The following RNF152 variants were observed in gnomAD, a reference collection of about 807,000 sequenced individuals.
RNF152 encodes the protein E3 ubiquitin-protein ligase RNF152.
RNF152 carries 11 observed loss-of-function variants against 12.7 expected under a neutral mutation model. The observed-to-expected ratio is 0.86, with a 90% CI of 0.54 to 1.43. The LOEUF (loss-of-function observed/expected upper bound fraction) is 1.43, where lower values mean the gene tolerates loss of function less well. Ranked by LOEUF, RNF152 falls within the 40% of genes most tolerant of loss-of-function variation. RNF152 has a pLI of 0.00. For missense variants in RNF152, 255 were observed against 274.8 expected, an observed-to-expected ratio of 0.93 and a Z score of 0.51; for synonymous variants, 113 against 120.3, an observed-to-expected ratio of 0.94 and a Z score of 0.40.
Position 61,811,975 on chromosome 18 carries a change from C to T in RNF152, c.*3877G>A, listed in dbSNP as rs1908826509. ...TATAAGCAACAGTTCCAAAGGGCAA[C>T]AATGAATTTTTACTGTCATACTTGA... On this transcript the variant is annotated 3_prime_UTR_variant, in exon 2 of 2. Coordinates refer to ENST00000312828, the MANE Select transcript of RNF152 (RefSeq NM_173557.3). 6.6e-6 allele frequency: 1 copy of T among 152,172 alleles called. No homozygotes were observed. The allele number at this position is 152,172 out of a possible 1,614,324, so 9.4% of individuals were successfully genotyped here.
Position 61,808,387 on chromosome 18 carries a change from T to TAAAAAAAAAA in RNF152, c.*7455_*7464dup, listed in dbSNP as rs34966668. The TAAAAAAAAAA allele has an allele frequency of 5.3e-4, 27 of 50,792 alleles. 1 individual carries two copies. The highest frequency in any genetic ancestry group is 1.6e-3 in the African/African-American group (22 of 14,112). 3.1% of individuals were successfully genotyped at this position (50,792 alleles called of 1,614,324 possible). A position where few individuals can be genotyped will look rare whatever the true frequency, so the allele number is the denominator to read the frequency against. On this transcript the variant is annotated 3_prime_UTR_variant, in exon 2 of 2. Transcript: ENST00000312828. ...TTTATCTGTAGGGCTATTTGGCCCTTAAAAAAAAAAAAAAAAAAAAAAAAA... is the reference window on the plus strand; with the variant it reads ...TTTATCTGTAGGGCTATTTGGCCCTTAAAAAAAAAAAAAAAAAAAAAAAAAAAAAAAAAAA...
In RNF152 at chr18:61,809,358, T is replaced by C. The variant is rs554829172; in HGVS notation, c.*6494A>G. On this transcript the variant is annotated 3_prime_UTR_variant, in exon 2 of 2. Transcript: ENST00000312828. ...CCCACTATTTAACAGAGGTATCAACTAGATCCCCTTTAAGAGGCATTTGTC... is the reference window on the plus strand; with the variant it reads ...CCCACTATTTAACAGAGGTATCAACCAGATCCCCTTTAAGAGGCATTTGTC... 3 of 152,300 alleles carry C rather than the reference T, an allele frequency of 2.0e-5. No homozygotes were observed. The highest frequency in any genetic ancestry group is 7.2e-5 in the African/African-American group (3 of 41,560). 9.4% of individuals were successfully genotyped at this position (152,300 alleles called of 1,614,324 possible). A position where few individuals can be genotyped will look rare whatever the true frequency, so the allele number is the denominator to read the frequency against.
chr18:61,833,228 A>C (rs77313467), intron 1 of RNF152, among the ~76,000 whole-genome samples: 5,046 of 152,334 alleles, frequency 0.033, 270 homozygotes, highest in African/African-American at 0.11. Context: ...ACAAACCATT[A>C]GCTGATGTAG....
chr18:61,827,621 C>G (rs1057296034), intron 1 of RNF152, among the ~76,000 whole-genome samples: 1 of 152,122 alleles, frequency 6.6e-6, no homozygotes, highest in African/African-American at 2.4e-5. Flanking sequence ...TAAGTCTATT[C>G]GAAAGCCATT....
intron 1 of RNF152, among the ~76,000 whole-genome samples, chr18:61,858,513 C>T (rs1042735181): frequency 1.3e-5 from 2 of 152,226 alleles, no homozygotes; most frequent in Middle Eastern, 3.4e-3. Flanking sequence ...GATACCTTCT[C>T]CCTAGACTTC....
chr18:61,823,763 G>T (rs971675403), intron 1 of RNF152, among the ~76,000 whole-genome samples: 4 of 152,170 alleles, frequency 2.6e-5, no homozygotes, highest in African/African-American at 9.7e-5. Context: ...GAAGGCCAAG[G>T]TCACCCCAGG....
At chr18:61,841,143 G>C (rs1484005348) in intron 1 of RNF152, among the ~76,000 whole-genome samples, 1 of 152,176 alleles carries the variant, frequency 6.6e-6, no homozygotes, top group Non-Finnish European at 1.5e-5. Flanking sequence ...CTGCTTTTTA[G>C]AAATTCCTGC....
intron 1 of RNF152, among the ~76,000 whole-genome samples, chr18:61,885,614 G>T (rs750457629): frequency 6.6e-6 from 1 of 152,084 alleles, no homozygotes; most frequent in Admixed American, 6.6e-5. Flanking sequence ...AGCCGAGAGC[G>T]TTATTTTAAT....
intron 1 of RNF152, among the ~76,000 whole-genome samples, chr18:61,866,546 C>G (rs368246696): frequency 9.9e-4 from 151 of 152,328 alleles, no homozygotes; most frequent in African/African-American, 3.6e-3. Flanking sequence ...GCAGGGCCTA[C>G]GCATCCTTTG....
rs183408843 is a variant in RNF152 at position 61,840,273 on chromosome 18, T to A, written c.-135-23675A>T. On this transcript the variant is annotated intron_variant, in intron 1 of 1. Coordinates refer to ENST00000312828, the MANE Select transcript of RNF152 (RefSeq NM_173557.3). ...GTGAGAAATAAGTTTCTGTTGTTTATAAGCCACCCAGTCTATGGTATTTTG... is the reference window on the plus strand; with the variant it reads ...GTGAGAAATAAGTTTCTGTTGTTTAAAAGCCACCCAGTCTATGGTATTTTG... 4.6e-5 allele frequency among the ~76,000 whole-genome samples: 7 copies of A among 152,354 alleles called. No individual in the cohort carries two copies. The East Asian group carries it at 1.3e-3, about 29-fold the overall frequency.
rs554362446 is a variant in RNF152, at chr18:61,867,014, AT to A, written c.-136+25780del. On this transcript the variant is annotated intron_variant, in intron 1 of 1. Transcript: ENST00000312828. Reference sequence around the variant, plus strand: ...GCTTATTAAACACTGCACATCAGGAATTTTTTTTTCTCACCAAACATCAAAC... The same window carrying A: ...GCTTATTAAACACTGCACATCAGGAATTTTTTTTCTCACCAAACATCAAAC... Among the ~76,000 whole-genome samples, 458 of 152,064 alleles carry A rather than the reference AT, an allele frequency of 3.0e-3. 3 individuals carry two copies. Among genetic ancestry groups the A allele is most frequent in the Non-Finnish European group, 4.4e-3 (296 of 67,934 alleles).
Position 61,814,080 on chromosome 18 carries a change from C to G in RNF152, c.*1772G>C, listed in dbSNP as rs543188124. The G allele has an allele frequency of 2.0e-5, 3 of 152,276 alleles. No individual in the cohort carries two copies. The highest frequency in any genetic ancestry group is 7.2e-5 in the African/African-American group (3 of 41,562). The allele number at this position is 152,276 out of a possible 1,614,324, so 9.4% of individuals were successfully genotyped here. ...AGGTTTTATGATCAATTTGAAAAAT[C>G]AGAGCTCACAATTTTATGTTGAATT... On this transcript the variant is annotated 3_prime_UTR_variant, in exon 2 of 2. Coordinates refer to ENST00000312828, the MANE Select transcript of RNF152 (RefSeq NM_173557.3).
intron 1 of RNF152, among the ~76,000 whole-genome samples, chr18:61,882,211 A>C (rs1454564792): frequency 6.6e-6 from 1 of 152,218 alleles, no homozygotes; most frequent in Non-Finnish European, 1.5e-5. Flanking sequence ...CAAAATCCAA[A>C]ATCCAAAACA....
intron 1 of RNF152, among the ~76,000 whole-genome samples, chr18:61,855,877 T>C (rs1911208477): frequency 1.3e-5 from 2 of 152,182 alleles, no homozygotes; most frequent in African/African-American, 4.8e-5. Context: ...GAGGATCCCG[T>C]GACAAAAGCC....
chr18:61,877,776 T>C (rs758696916), intron 1 of RNF152, among the ~76,000 whole-genome samples: 3 of 152,138 alleles, frequency 2.0e-5, no homozygotes, highest in Non-Finnish European at 4.4e-5. Flanking sequence ...GTGTTTGGAA[T>C]CTCTATTTTT....
intron 1 of RNF152, among the ~76,000 whole-genome samples, chr18:61,817,125 T>C (rs1166465181): frequency 6.6e-6 from 1 of 152,184 alleles, no homozygotes; most frequent in Admixed American, 6.5e-5. Flanking sequence ...TGGGTTAGGA[T>C]TGTTCCTCTT....
chr18:61,851,445 G>T (rs912514278), intron 1 of RNF152, among the ~76,000 whole-genome samples: 4 of 152,112 alleles, frequency 2.6e-5, no homozygotes, highest in Admixed American at 6.5e-5. Context: ...AGCTTCAGGG[G>T]TGAGGCTACA....
At chr18:61,855,663 A>G (rs888850559) in intron 1 of RNF152, among the ~76,000 whole-genome samples, 4 of 152,260 alleles carry the variant, frequency 2.6e-5, no homozygotes, top group Non-Finnish European at 5.9e-5. Flanking sequence ...CTGGCTGTGC[A>G]CAGTGGCTGG....
chr18:61,868,933 G>A (rs1196523465), intron 1 of RNF152, among the ~76,000 whole-genome samples: 1 of 152,078 alleles, frequency 6.6e-6, no homozygotes, highest in Non-Finnish European at 1.5e-5. Flanking sequence ...AAATCAGATG[G>A]ACAATAAATT....
Sources: gnomAD v4.1 joint callset for allele counts (sites outside exome capture counted in the v4.1 genomes callset) on GRCh38, gnomAD v4.1.1 for gene constraint, MANE v1.5 for transcripts, NCBI Gene and HGNC (gene_info 2026-07-23, HGNC 2026-07-21) for gene names.